The following NAALADL2 variants were observed in gnomAD, a reference collection of about 807,000 sequenced individuals.
NAALADL2 encodes inactive N-acetylated-alpha-linked acidic dipeptidase-like protein 2.
A neutral mutation model predicts 87.2 loss-of-function variants in NAALADL2; 76 were observed. The ratio of observed to expected loss-of-function variants is 0.87; its 90% confidence interval spans 0.72 to 1.05. The LOEUF (loss-of-function observed/expected upper bound fraction) is 1.05. NAALADL2 is among the 50% of genes least tolerant of loss of function. NAALADL2 has a pLI of 0.00. For synonymous variants in NAALADL2, 354 were observed against 331.0 expected (o/e 1.07, Z -0.75); for missense variants, 1,089 against 945.8 (o/e 1.15, Z -1.99).
intron 2 of NAALADL2, among the ~76,000 whole-genome samples, chr3:175,157,536 A>G (rs528794501): frequency 6.6e-6 from 1 of 152,114 alleles, no homozygotes; most frequent in Non-Finnish European, 1.5e-5. Context: ...TTACAATTAA[A>G]CAACTCTGAA....
intron 1 of NAALADL2, among the ~76,000 whole-genome samples, chr3:174,530,398 C>G (rs938464273): frequency 6.6e-6 from 1 of 152,122 alleles, no homozygotes; most frequent in Non-Finnish European, 1.5e-5. Flanking sequence ...TCCCAACTTT[C>G]CCAAATTTTC....
chr3:175,072,310 A>C (rs1005780888), intron 1 of NAALADL2, among the ~76,000 whole-genome samples: 1 of 152,104 alleles, frequency 6.6e-6, no homozygotes, highest in Non-Finnish European at 1.5e-5. Context: ...TCATTAAATA[A>C]CCACTTTCAA....
intron 1 of NAALADL2, among the ~76,000 whole-genome samples, chr3:175,025,004 CT>C (rs1291351654): frequency 6.6e-6 from 1 of 151,988 alleles, no homozygotes. Flanking sequence ...TATCTGTTAC[CT>C]TTTGAGATGA....
intron 2 of NAALADL2, among the ~76,000 whole-genome samples, chr3:175,217,594 T>C (rs376087406): frequency 2.0e-5 from 3 of 152,324 alleles, no homozygotes; most frequent in African/African-American, 7.2e-5. Flanking sequence ...TGGTACTTAT[T>C]TCTCAAGTTA....
At chr3:175,563,797 C>T (rs925555088) in intron 9 of NAALADL2, among the ~76,000 whole-genome samples, 16 of 152,070 alleles carry the variant, frequency 1.1e-4, no homozygotes, top group African/African-American at 3.9e-4. Context: ...ACACCTGGAG[C>T]AAAGAAATCT....
intron 2 of NAALADL2, among the ~76,000 whole-genome samples, chr3:174,645,810 T>C (rs990854993): frequency 6.6e-6 from 1 of 152,114 alleles, no homozygotes; most frequent in Admixed American, 6.6e-5. Context: ...AGAATTACAG[T>C]TTAGGATGGA....
intron 2 of NAALADL2, among the ~76,000 whole-genome samples, chr3:175,185,248 G>A (rs9290545): frequency 0.038 from 5,791 of 152,110 alleles, 265 homozygotes; most frequent in African/African-American, 0.11. Flanking sequence ...TATCTATACA[G>A]CTGAAGATGC....
intron 3 of NAALADL2, among the ~76,000 whole-genome samples, chr3:174,747,044 A>T (rs140618399): frequency 3.9e-5 from 6 of 152,312 alleles, no homozygotes; most frequent in African/African-American, 1.4e-4. Flanking sequence ...AAAAGCAACA[A>T]AAGCAATTGC....
chr3:175,118,133 A>G (rs1460146893), intron 2 of NAALADL2, among the ~76,000 whole-genome samples: 2 of 151,402 alleles, frequency 1.3e-5, no homozygotes, highest in Non-Finnish European at 3.0e-5. Flanking sequence ...GGGGGAGGCC[A>G]GTCATTAGGA....
intron 5 of NAALADL2, among the ~76,000 whole-genome samples, chr3:175,395,423 A>C (rs935540921): frequency 2.1e-4 from 32 of 152,168 alleles, no homozygotes; most frequent in African/African-American, 7.7e-4. Flanking sequence ...AGATTTATTC[A>C]TTCCCCAAAA....
intron 2 of NAALADL2, among the ~76,000 whole-genome samples, chr3:175,118,078 A>T (rs556320707): frequency 2.6e-5 from 4 of 151,262 alleles, no homozygotes; most frequent in South Asian, 2.1e-4. Flanking sequence ...GAACACTTGG[A>T]AACAGGATGG....
At chr3:174,509,858 A>C (rs79415604) in intron 1 of NAALADL2, among the ~76,000 whole-genome samples, 2,831 of 152,076 alleles carry the variant, frequency 0.019, 86 homozygotes, top group African/African-American at 0.065. Flanking sequence ...GAGATTCAAC[A>C]TACGAATTTT....
At chr3:174,617,661 A>G (rs1720590385) in intron 2 of NAALADL2, among the ~76,000 whole-genome samples, 1 of 151,720 alleles carries the variant, frequency 6.6e-6, no homozygotes. Context: ...CTTCTATGAT[A>G]GATAATAATG....
At chr3:175,171,081 A>C (rs1734736209) in intron 2 of NAALADL2, among the ~76,000 whole-genome samples, 1 of 152,014 alleles carries the variant, frequency 6.6e-6, no homozygotes, top group Non-Finnish European at 1.5e-5. Context: ...TATATAGTCA[A>C]AATAGTTGTT....
At chr3:174,492,126 C>T (rs541921577) in intron 1 of NAALADL2, among the ~76,000 whole-genome samples, 100 of 151,794 alleles carry the variant, frequency 6.6e-4, no homozygotes, top group African/African-American at 2.2e-3. Flanking sequence ...AAAAATTAGC[C>T]GGGTGTGGTG....
chr3:174,861,995 T>C (rs1270552157), intron 1 of NAALADL2, among the ~76,000 whole-genome samples: 2 of 152,004 alleles, frequency 1.3e-5, no homozygotes, highest in African/African-American at 4.8e-5. Context: ...AAAAGGAATC[T>C]CCTCTTTTAG....
rs141631103 is a variant in NAALADL2 at position 175,481,036 on chromosome 3, C to T, written c.1653+9278C>T. The stretch of plus-strand genomic sequence containing the variant: ...TTTGTGTAATGCATGCAGATTATGT[C>T]GTTACCTAAAGGGAAATGCGATCTG... On this transcript the variant is annotated intron_variant, in intron 9 of 13. Transcript: ENST00000454872. Among the ~76,000 whole-genome samples, 334 of 151,840 alleles carry T rather than the reference C, an allele frequency of 2.2e-3. 1 individual carries two copies. Among genetic ancestry groups the T allele is most frequent in the African/African-American group, 6.2e-3 (259 of 41,490 alleles).
At chr3:175,555,530 A>G (rs1412784153) in intron 9 of NAALADL2, among the ~76,000 whole-genome samples, 1 of 152,172 alleles carries the variant, frequency 6.6e-6, no homozygotes, top group Non-Finnish European at 1.5e-5. Flanking sequence ...TCACATGGGT[A>G]AGCATTTCCT....
intron 2 of NAALADL2, among the ~76,000 whole-genome samples, chr3:175,194,645 G>C (rs777235914): frequency 6.6e-6 from 1 of 151,732 alleles, no homozygotes; most frequent in Non-Finnish European, 1.5e-5. Flanking sequence ...CAATGATCAG[G>C]AGTTTATTAT....
Sources: gnomAD v4.1 joint callset for allele counts (sites outside exome capture counted in the v4.1 genomes callset) on GRCh38, gnomAD v4.1.1 for gene constraint, MANE v1.5 for transcripts, NCBI Gene and HGNC (gene_info 2026-07-23, HGNC 2026-07-21) for gene names.